The following KAZN variants were observed in gnomAD, a reference collection of about 807,000 sequenced individuals.
KAZN encodes kazrin, periplakin interacting protein, also known as kazrin.
KAZN carries 40 observed loss-of-function variants against 87.4 expected under a neutral mutation model. The observed-to-expected ratio is 0.46, with a 90% CI of 0.36 to 0.60. KAZN has a LOEUF of 0.60. Among genes scored for constraint, KAZN ranks in the 20% least tolerant of loss-of-function variants. KAZN has a pLI of 0.00. For synonymous variants in KAZN, 466 were observed against 458.3 expected (o/e 1.02, Z -0.22); for missense variants, 898 against 1,073.9 (o/e 0.84, Z 2.29).
At chr1:14,292,665 C>T (rs1322719409) in intron 2 of KAZN, among the ~76,000 whole-genome samples, 2 of 152,194 alleles carry the variant, frequency 1.3e-5, no homozygotes, top group Admixed American at 6.5e-5. Context: ...AGCTGGCAGG[C>T]TCTGGGTGAT....
rs1204248759 is a variant in KAZN, at chr1:14,184,089, T to C, written c.249+3497T>C. 1.3e-5 allele frequency among the ~76,000 whole-genome samples: 2 copies of C among 152,140 alleles called. No individual in the cohort carries two copies. Among genetic ancestry groups the C allele is most frequent in the African/African-American group, 4.8e-5 (2 of 41,428 alleles). On this transcript the variant is annotated intron_variant, in intron 2 of 16. Coordinates refer to the KAZN transcript ENST00000636203. This position sits in a 1 kb window ranked among gnomAD's most constrained non-coding sequence, Gnocchi z 4.2. Reference sequence around the variant, plus strand: ...TCAAAATAAAAATAAACCACACAACTGTCATCTCTAAACAAATCTCGAACA... The same window carrying C: ...TCAAAATAAAAATAAACCACACAACCGTCATCTCTAAACAAATCTCGAACA...
chr1:14,465,093 C>T (rs766718291), intron 2 of KAZN, among the ~76,000 whole-genome samples: 1 of 152,014 alleles, frequency 6.6e-6, no homozygotes. Flanking sequence ...TGAGCTGGCA[C>T]GGATGGTCCA....
chr1:14,120,644 T>C (rs886372919), intron 1 of KAZN, among the ~76,000 whole-genome samples: 1 of 152,226 alleles, frequency 6.6e-6, no homozygotes, highest in East Asian at 1.9e-4. Flanking sequence ...CTTCAGTGGA[T>C]TGTGAAACCT....
intron 2 of KAZN, among the ~76,000 whole-genome samples, chr1:14,320,985 C>T (rs7552034): frequency 0.26 from 39,633 of 152,040 alleles, 5,586 homozygotes; most frequent in African/African-American, 0.32. Context: ...TTGTTTTTAT[C>T]TATTTATTTT....
Position 14,391,093 on chromosome 1 carries a change from T to C in KAZN, c.250-207890T>C, listed in dbSNP as rs114876922. On this transcript the variant is annotated intron_variant, in intron 2 of 16. Transcript: ENST00000636203. ...CTGATGTGATGAACATCAACTGGGGTAGGAGACATAAGCCAGAGGCCACTT... is the reference window on the plus strand; with the variant it reads ...CTGATGTGATGAACATCAACTGGGGCAGGAGACATAAGCCAGAGGCCACTT... Among the ~76,000 whole-genome samples, 446 of 152,210 alleles carry C rather than the reference T, an allele frequency of 2.9e-3. 2 individuals are homozygous for C. The highest frequency in any genetic ancestry group is 9.8e-3 in the African/African-American group (405 of 41,532).
chr1:14,365,483 C>A (rs142676312), intron 2 of KAZN, among the ~76,000 whole-genome samples: 1 of 151,452 alleles, frequency 6.6e-6, no homozygotes, highest in African/African-American at 2.4e-5. Context: ...TTCCAAATAA[C>A]GTCATACACT....
chr1:14,088,244 C>T (rs1304035496), intron 1 of KAZN, among the ~76,000 whole-genome samples: 3 of 151,416 alleles, frequency 2.0e-5, no homozygotes, highest in Non-Finnish European at 4.4e-5. Context: ...GATCTTAGAC[C>T]CTTCTTCTTT....
At chr1:14,671,359 AAT>A (rs1454408308) in intron 1 of KAZN, among the ~76,000 whole-genome samples, 1 of 152,252 alleles carries the variant, frequency 6.6e-6, no homozygotes, top group South Asian at 2.1e-4. Context: ...GTGCTCAGTA[AAT>A]AGTAAATGAA....
chr1:14,128,100 A>G (rs536997007), intron 1 of KAZN, among the ~76,000 whole-genome samples: 27 of 152,304 alleles, frequency 1.8e-4, no homozygotes, highest in African/African-American at 6.5e-4. Flanking sequence ...GAAGTGAGCC[A>G]GTGGGGCAGT....
intron 2 of KAZN, among the ~76,000 whole-genome samples, chr1:14,391,950 T>C (rs1447434871): frequency 6.6e-6 from 1 of 152,122 alleles, no homozygotes; most frequent in East Asian, 2.0e-4. Flanking sequence ...CTCATAATTC[T>C]CTGTCTCACT....
chr1:14,447,211 T>C (rs200378349), intron 2 of KAZN, among the ~76,000 whole-genome samples: 4 of 32,214 alleles, frequency 1.2e-4, no homozygotes, highest in Admixed American at 4.2e-4. Context: ...TCCACCACAT[T>C]ATTATTATTA....
At chr1:14,753,277 A>C (rs1325782987) in intron 1 of KAZN, among the ~76,000 whole-genome samples, 1 of 152,184 alleles carries the variant, frequency 6.6e-6, no homozygotes, top group East Asian at 1.9e-4. Flanking sequence ...GTATTTGGTT[A>C]TATAAATAAG....
At chr1:14,114,586 C>T (rs1246876673) in intron 1 of KAZN, among the ~76,000 whole-genome samples, 2 of 152,194 alleles carry the variant, frequency 1.3e-5, no homozygotes, top group South Asian at 2.1e-4. Flanking sequence ...AAAGCCCTTC[C>T]TTCTTCCTCC....
intron 1 of KAZN, among the ~76,000 whole-genome samples, chr1:14,722,342 C>T (rs966694987): frequency 5.9e-5 from 9 of 152,194 alleles, no homozygotes; most frequent in African/African-American, 1.4e-4. Flanking sequence ...AAATTAGGTG[C>T]TTCACAAATC....
At chr1:14,329,242 G>A (rs1000626584) in intron 2 of KAZN, among the ~76,000 whole-genome samples, 2 of 152,054 alleles carry the variant, frequency 1.3e-5, no homozygotes, top group African/African-American at 2.4e-5. Flanking sequence ...TAGATTAGCG[G>A]CTCCAGCAGA....
At chr1:13,967,841 G>A (rs1313308357) in intron 1 of KAZN, among the ~76,000 whole-genome samples, 1 of 152,198 alleles carries the variant, frequency 6.6e-6, no homozygotes, top group East Asian at 1.9e-4. Flanking sequence ...GTCAAGAACA[G>A]ATGCAGTGGG....
chr1:14,552,117 C>T (rs1673566875), intron 2 of KAZN, among the ~76,000 whole-genome samples: 3 of 152,120 alleles, frequency 2.0e-5, no homozygotes, highest in African/African-American at 7.2e-5. Flanking sequence ...ATATAATTTA[C>T]CCCTTTAGCC....
Position 14,598,709 on chromosome 1 carries a change from C to G in KAZN, c.-289C>G. ...CCTTCTTGGAGCAGCTCTCGGCGCC[C>G]GCCCGCCGGGGTCTCGGCGATCGCT... is the stretch of plus-strand genomic sequence containing the variant. On this transcript the variant is annotated 5_prime_UTR_variant, in exon 1 of 15. Coordinates refer to ENST00000376030, the MANE Select transcript of KAZN (RefSeq NM_201628.3). The surrounding 1 kb of genome is among the most constrained non-coding windows in gnomAD (Gnocchi z 4.2). The G allele has an allele frequency of 7.6e-7, 1 of 1,317,110 alleles. No homozygotes were observed. Among genetic ancestry groups the G allele is most frequent in the South Asian group, 2.2e-5 (1 of 45,168 alleles). 81.6% of individuals were successfully genotyped at this position (1,317,110 alleles called of 1,614,324 possible).
At chr1:14,744,430 ATTAT>A (rs1240464491) in intron 1 of KAZN, among the ~76,000 whole-genome samples, 1 of 151,918 alleles carries the variant, frequency 6.6e-6, no homozygotes, top group Non-Finnish European at 1.5e-5. Flanking sequence ...TTGTTTTTTA[ATTAT>A]TTAAGTGTAA....
Sources: gnomAD v4.1 joint callset for allele counts (sites outside exome capture counted in the v4.1 genomes callset) on GRCh38, gnomAD v4.1.1 for gene constraint, Gnocchi (gnomAD v3.1) non-coding constraint, MANE v1.5 for transcripts, NCBI Gene and HGNC (gene_info 2026-07-23, HGNC 2026-07-21) for gene names.